LRP4: variants seen among roughly 807,000 people sequenced by gnomAD.
LRP4 encodes low-density lipoprotein receptor-related protein 4.
Under a neutral mutation model 220.3 loss-of-function variants are expected in LRP4, and 95 were observed. The observed-to-expected ratio is 0.43, with a 90% CI of 0.37 to 0.51. The LOEUF (loss-of-function observed/expected upper bound fraction) is 0.51, where lower values mean the gene tolerates loss of function less well. Among genes scored for constraint, LRP4 ranks in the 20% least tolerant of loss-of-function variants. The pLI, the probability that LRP4 is intolerant of heterozygous loss-of-function variation, is 0.00. For synonymous variants in LRP4, 903 were observed against 954.6 expected (o/e 0.95, Z 1.00); for missense variants, 1,925 against 2,567.0 (o/e 0.75, Z 5.40).
At chr11:46,869,227 C>T (rs1281901919) in intron 31 of LRP4, 95 bp from the exon 32 acceptor site, 28 of 1,183,204 alleles carry the variant, frequency 2.4e-5, no homozygotes, top group Non-Finnish European at 3.1e-5. Context: ...GCCACTGCCT[C>T]TGCTGAAATG....
chr11:46,892,267 C>A lies in LRP4; in HGVS notation c.1697+706G>T, dbSNP rs950610069. Among the ~76,000 whole-genome samples the A allele has an allele frequency of 2.0e-5, 3 of 152,224 alleles. No individual in the cohort carries two copies. In the South Asian group the frequency reaches 6.2e-4, roughly 32 times the overall value. ...ATTTTTAGGCTATAATAATTAATTA[C>A]AATTCTTATGAATTACTAATAACTA... On this transcript the variant is annotated intron_variant, in intron 13 of 37. Coordinates refer to ENST00000378623, the MANE Select transcript of LRP4 (RefSeq NM_002334.4).
rs1941402145 is a variant in LRP4 at position 46,890,648 on chromosome 11, G to A, written c.1698-154C>T. On this transcript the variant is annotated intron_variant, in intron 13 of 37. Transcript: ENST00000378623. This position sits in a 1 kb window ranked among gnomAD's most constrained non-coding sequence, Gnocchi z 5.3. ...TTTTTTTTAGACGGGGTCTCATTTT[G>A]TCACCCAGGCTGGAGGGCAGGTGAG... 6.6e-6 allele frequency among the ~76,000 whole-genome samples: 1 copy of A among 151,962 alleles called. No individual in the cohort carries two copies. Among genetic ancestry groups the A allele is most frequent in the African/African-American group, 2.4e-5 (1 of 41,364 alleles).
At chr11:46,866,695 G>T (rs1442624479) in intron 34 of LRP4, among the ~76,000 whole-genome samples, 1 of 152,148 alleles carries the variant, frequency 6.6e-6, no homozygotes, top group Admixed American at 6.5e-5. Context: ...TAGGCGGGTG[G>T]ATCACTTGAG....
chr11:46,890,521 G>A lies in LRP4; in HGVS notation c.1698-27C>T. The A allele has an allele frequency of 6.5e-7, 1 of 1,537,574 alleles. No individual in the cohort carries two copies. The highest frequency in any genetic ancestry group is 9.0e-7 in the Non-Finnish European group (1 of 1,112,736). ...TAGGAAGAGAAAAGTAAATTGGGAAGTGGGCAGCAGAAAACAGGTAGGTAA... is the reference window on the plus strand; with the variant it reads ...TAGGAAGAGAAAAGTAAATTGGGAAATGGGCAGCAGAAAACAGGTAGGTAA... On this transcript the variant is annotated intron_variant, in intron 13 of 37. Transcript: ENST00000378623. This position sits in a 1 kb window ranked among gnomAD's most constrained non-coding sequence, Gnocchi z 5.3.
Position 46,899,772 on chromosome 11 carries a change from T to C in LRP4, c.430+91A>G. ...CCAGATATCTGGGCAGTTGGAGGTTTGGCAGTGCTAGGGCCATTGCTGCTA... is the reference window on the plus strand; with the variant it reads ...CCAGATATCTGGGCAGTTGGAGGTTCGGCAGTGCTAGGGCCATTGCTGCTA... On this transcript the variant is annotated intron_variant, in intron 4 of 37. Coordinates refer to ENST00000378623, the MANE Select transcript of LRP4 (RefSeq NM_002334.4). This position sits in a 1 kb window ranked among gnomAD's most constrained non-coding sequence, Gnocchi z 5.9. 1 of 1,081,486 alleles carries C rather than the reference T, an allele frequency of 9.2e-7. No homozygotes were observed. Among genetic ancestry groups the C allele is most frequent in the Admixed American group, 1.7e-5 (1 of 59,346 alleles). The allele number at this position is 1,081,486 out of a possible 1,614,324, so 67.0% of individuals were successfully genotyped here.
chr11:46,911,608 A>G (rs2054307), intron 1 of LRP4, among the ~76,000 whole-genome samples: 111,616 of 139,684 alleles, frequency 0.8, 47,396 homozygotes, highest in East Asian at 0.99. Context: ...AAATAAATAA[A>G]TAAATAAAAA....
Position 46,918,462 on chromosome 11 carries a change from G to C in LRP4, c.-83C>G. ...GAGAAGCCCGCGGAGGGTCCCCGAGGGGGAAGCGTCCCGGGTGCACGGCGG... is the reference window on the plus strand; with the variant it reads ...GAGAAGCCCGCGGAGGGTCCCCGAGCGGGAAGCGTCCCGGGTGCACGGCGG... On this transcript the variant is annotated 5_prime_UTR_variant, in exon 1 of 38. Transcript: ENST00000378623. This position sits in a 1 kb window ranked among gnomAD's most constrained non-coding sequence, Gnocchi z 6.0. 2 of 1,086,666 alleles carry C rather than the reference G, an allele frequency of 1.8e-6. No individual in the cohort carries two copies. The highest frequency in any genetic ancestry group is 2.3e-6 in the Non-Finnish European group (2 of 858,006). 67.3% of individuals were successfully genotyped at this position (1,086,666 alleles called of 1,614,324 possible).
In LRP4 at chr11:46,899,422, G is replaced by A. The variant is rs1382538434; in HGVS notation, c.512C>T (p.Thr171Ile). The A allele has an allele frequency of 1.9e-6, 3 of 1,614,008 alleles. No individual in the cohort carries two copies. The highest frequency in any genetic ancestry group is 1.3e-5 in the African/African-American group (1 of 74,928). The change falls in exon 5 of 38, where the codon ACC (threonine) becomes ATC (isoleucine). Residue 171 changes from threonine (T) to isoleucine (I), a missense_variant. Around this residue, in one of 3 missense-constraint regions of LRP4, gnomAD observed 412 missense variants for 505.4 expected, o/e 0.82. Coordinates refer to ENST00000378623, the MANE Select transcript of LRP4 (RefSeq NM_002334.4). The surrounding 1 kb of genome is among the most constrained non-coding windows in gnomAD (Gnocchi z 5.9). ...CTCATCGGAGCCATCTTTGCAGTCG[G>A]TGTCACCGTCGCAGTACCAATGCTC... ...IAEHWYCDGD[T>I]DCKDGSDEEN...
chr11:46,891,629 A>T (rs1941427202), intron 13 of LRP4, among the ~76,000 whole-genome samples: 1 of 151,560 alleles, frequency 6.6e-6, no homozygotes, highest in Non-Finnish European at 1.5e-5. Flanking sequence ...TTTAAATTTA[A>T]TTTTTTTTGA....
chr11:46,884,613 T>TG (rs1941239274), intron 18 of LRP4, among the ~76,000 whole-genome samples: 1 of 151,890 alleles, frequency 6.6e-6, no homozygotes, highest in African/African-American at 2.4e-5. Flanking sequence ...GGCGGGCACC[T>TG]GTAGTCCCAG....
intron 34 of LRP4, among the ~76,000 whole-genome samples, chr11:46,867,571 C>T (rs1229223436): frequency 6.6e-6 from 1 of 152,218 alleles, no homozygotes; most frequent in East Asian, 1.9e-4. Context: ...AAGTGATTCT[C>T]CTGTCTCAGC....
intron 28 of LRP4, 64 bp downstream of exon 28, chr11:46,874,736 A>G: frequency 6.8e-7 from 1 of 1,465,518 alleles, no homozygotes; most frequent in Non-Finnish European, 9.6e-7. Flanking sequence ...GTCAGAACAC[A>G]ACCTCACCCA....
At position 46,858,835 on chromosome 11, in the gene LRP4, A is replaced by T. The variant is rs1940451490; in HGVS notation, c.*148T>A. 21 of 763,760 alleles carry T rather than the reference A, an allele frequency of 2.7e-5. No homozygotes were observed. The South Asian group carries it at 3.0e-4, about 11-fold the overall frequency. The allele number at this position is 763,760 out of a possible 1,614,324, so 47.3% of individuals were successfully genotyped here. On this transcript the variant is annotated 3_prime_UTR_variant, in exon 38 of 38. Transcript: ENST00000378623. The stretch of plus-strand genomic sequence containing the variant: ...GTAGTTATGGACTCACGTGGTAAAC[A>T]GCTCCGGTGAAGGCTTAGGAACAGT...
In LRP4 at chr11:46,883,897, C is replaced by A; in HGVS notation, c.2586G>T (p.Arg862=). The A allele has an allele frequency of 6.2e-7, 1 of 1,614,200 alleles. No individual in the cohort carries two copies. The highest frequency in any genetic ancestry group is 8.5e-7 in the Non-Finnish European group (1 of 1,180,026). Residue 862 remains arginine (R), a synonymous_variant, in exon 19 of 38, where the codon CGG becomes CGT. Transcript: ENST00000378623. ...CGCCCATGGGTTCCACCACGATGTCCCGAGGACGATCAAGGTTCTCCCAGA... is the reference window on the plus strand; with the variant it reads ...CGCCCATGGGTTCCACCACGATGTCACGAGGACGATCAAGGTTCTCCCAGA... ...VLIWENLDRP[R]DIVVEPMGGY...
chr11:46,895,443 T>C (rs1352470612), intron 10 of LRP4, 152 bp from the exon 11 acceptor site: 1 of 1,042,834 alleles, frequency 9.6e-7, no homozygotes, highest in Non-Finnish European at 1.5e-6. Flanking sequence ...CGGCCGGGCG[T>C]GGTGGCGCAC....
chr11:46,873,892 G>C lies in LRP4; in HGVS notation c.4230-299C>G, dbSNP rs1299761598. The C allele has an allele frequency of 2.3e-6, 1 of 431,396 alleles. No homozygotes were observed. Among genetic ancestry groups the C allele is most frequent in the Non-Finnish European group, 4.1e-6 (1 of 243,248 alleles). The allele number at this position is 431,396 out of a possible 1,614,324, so 26.7% of individuals were successfully genotyped here. A position where few individuals can be genotyped will look rare whatever the true frequency, so the allele number is the denominator to read the frequency against. ...ATCATTCCCCACATACCTTTGGGAAGAGACAAGGATTGCTAGGTGGTGATG... is the reference window on the plus strand; with the variant it reads ...ATCATTCCCCACATACCTTTGGGAACAGACAAGGATTGCTAGGTGGTGATG... On this transcript the variant is annotated intron_variant, in intron 28 of 37. Transcript: ENST00000378623. The surrounding 1 kb of genome is among the most constrained non-coding windows in gnomAD (Gnocchi z 4.2).
At chr11:46,878,884 A>G in intron 22 of LRP4, 23 bp downstream of exon 22, 1 of 1,613,890 alleles carries the variant, frequency 6.2e-7, no homozygotes, top group Non-Finnish European at 8.5e-7. Flanking sequence ...GGCTGCATCT[A>G]GATCTGTGAT....
chr11:46,898,996 T>G lies in LRP4; in HGVS notation c.584A>C (p.Glu195Ala). The change falls in exon 6 of 38, where the codon GAG becomes GCG. Residue 195 changes from glutamate to alanine, a missense_variant. Transcript: ENST00000378623. ...GCAGCGTCCATAGGCACACTGGAAC[T>G]CCTCCAGGTTGCAGGGGGGCGCTGG... ...AVPAPPCNLE[E>A]FQCAYGRCIL... 1 of 1,613,490 alleles carries G rather than the reference T, an allele frequency of 6.2e-7. No individual in the cohort carries two copies.
At chr11:46,877,383 A>G (rs1941048232) in intron 22 of LRP4, 44 bp from the exon 23 acceptor site, 1 of 1,611,574 alleles carries the variant, frequency 6.2e-7, no homozygotes, top group Non-Finnish European at 8.5e-7. Flanking sequence ...GAGCACAGCC[A>G]TTAAATGGAT....
Sources: gnomAD v4.1 joint callset for allele counts (sites outside exome capture counted in the v4.1 genomes callset) on GRCh38, gnomAD v4.1.1 for gene constraint, gnomAD v4.1.1 regional missense constraint, Gnocchi (gnomAD v3.1) non-coding constraint, MANE v1.5 for transcripts, NCBI Gene and HGNC (gene_info 2026-07-23, HGNC 2026-07-21) for gene names.